ARMH3: variants seen among roughly 807,000 people sequenced by gnomAD.
ARMH3 encodes the protein armadillo-like helical domain-containing protein 3.
Under a neutral mutation model 99.1 loss-of-function variants are expected in ARMH3, and 60 were observed. The ratio of observed to expected loss-of-function variants is 0.61; its 90% confidence interval spans 0.49 to 0.75. ARMH3 has a LOEUF of 0.75. ARMH3 is among the 30% of genes least tolerant of loss of function. The pLI is 0.00. For synonymous variants in ARMH3, 285 were observed against 292.8 expected (o/e 0.97, Z 0.27); for missense variants, 679 against 843.1 (o/e 0.81, Z 2.41).
At chr10:101,866,719 A>C (rs934486232) in intron 24 of ARMH3, among the ~76,000 whole-genome samples, 1 of 152,236 alleles carries the variant, frequency 6.6e-6, no homozygotes, top group Non-Finnish European at 1.5e-5. Flanking sequence ...AGGAAGGTGA[A>C]GAATTTAAAG....
intron 23 of ARMH3, among the ~76,000 whole-genome samples, chr10:101,919,195 T>C (rs1468058730): frequency 1.3e-5 from 2 of 152,030 alleles, no homozygotes; most frequent in African/African-American, 4.8e-5. Flanking sequence ...AATTCCTTTG[T>C]TCCCTCCTTC....
chr10:101,947,115 A>T (rs959037314), intron 22 of ARMH3, among the ~76,000 whole-genome samples: 1 of 151,998 alleles, frequency 6.6e-6, no homozygotes, highest in Admixed American at 6.6e-5. Flanking sequence ...TGAACCCGGG[A>T]GGCAGAGCTT....
intron 19 of ARMH3, among the ~76,000 whole-genome samples, chr10:101,981,443 G>T (rs2135953933): frequency 6.6e-6 from 1 of 152,048 alleles, no homozygotes; most frequent in Middle Eastern, 3.4e-3. Context: ...GGCCAACATA[G>T]TGATAGCCCG....
Position 102,040,116 on chromosome 10 carries a change from GT to G in ARMH3, c.-3del, listed in dbSNP as rs2067374688. On this transcript the variant is annotated 5_prime_UTR_variant, in exon 2 of 26. Coordinates refer to ENST00000370033, the MANE Select transcript of ARMH3 (RefSeq NM_024541.3). ...TCCACGTTTCTCTACCTGTGCCATG[GT>G]TAGAGAATCTGTGAACAGAAAGTCA... 12 of 1,613,416 alleles carry G rather than the reference GT, an allele frequency of 7.4e-6. No homozygotes were observed. In the East Asian group the frequency reaches 2.7e-4, roughly 36 times the overall value.
At chr10:102,009,600 A>G (rs2066584441) in intron 12 of ARMH3, 151 bp from the exon 13 acceptor site, 1 of 735,162 alleles carries the variant, frequency 1.4e-6, no homozygotes, top group African/African-American at 1.8e-5. Context: ...ATTTGGGCGT[A>G]TGCAAAAGTG....
intron 2 of ARMH3, among the ~76,000 whole-genome samples, chr10:102,038,092 T>TC: frequency 7.2e-6 from 1 of 139,190 alleles, no homozygotes; most frequent in East Asian, 2.0e-4. Flanking sequence ...AAGAATCCTT[T>TC]TTTTTTTTTT....
intron 12 of ARMH3, 28 bp downstream of exon 12, chr10:102,009,949 T>C (rs1341056368): frequency 6.2e-7 from 1 of 1,607,804 alleles, no homozygotes; most frequent in African/African-American, 1.3e-5. Flanking sequence ...AAAGTCCAAG[T>C]CACTGCACAA....
intron 19 of ARMH3, among the ~76,000 whole-genome samples, chr10:101,988,945 A>AG (rs397726788): frequency 1.2e-4 from 18 of 149,304 alleles, no homozygotes; most frequent in Non-Finnish European, 1.5e-5. Context: ...AAAAAAAAAA[A>AG]GCAAGCTAGA....
chr10:101,972,143 A>G (rs924538619), intron 20 of ARMH3, among the ~76,000 whole-genome samples: 1 of 152,192 alleles, frequency 6.6e-6, no homozygotes, highest in African/African-American at 2.4e-5. Flanking sequence ...TGAACCCCCA[A>G]CTAATACAGC....
At chr10:102,002,888 G>A (rs1456457376) in intron 14 of ARMH3, among the ~76,000 whole-genome samples, 1 of 151,616 alleles carries the variant, frequency 6.6e-6, no homozygotes, top group Non-Finnish European at 1.5e-5. Context: ...TTGAAACCGG[G>A]AGGCGGAGGT....
intron 23 of ARMH3, among the ~76,000 whole-genome samples, chr10:101,921,260 T>C (rs572318026): frequency 7.2e-5 from 11 of 152,178 alleles, no homozygotes; most frequent in Non-Finnish European, 1.3e-4. Context: ...AGGCACACTA[T>C]ATGACTCTGT....
intron 17 of ARMH3, among the ~76,000 whole-genome samples, chr10:101,992,656 C>T (rs532573423): frequency 1.3e-5 from 2 of 152,102 alleles, no homozygotes; most frequent in African/African-American, 2.4e-5. Context: ...CCACCACACC[C>T]GGCTAATTTT....
chr10:101,890,532 G>T (rs926236853), intron 23 of ARMH3, among the ~76,000 whole-genome samples: 1 of 152,200 alleles, frequency 6.6e-6, no homozygotes, highest in Non-Finnish European at 1.5e-5. Context: ...ATGAGCCACA[G>T]CGGCTGGCCA....
chr10:102,005,389 A>G (rs930407785), intron 14 of ARMH3, among the ~76,000 whole-genome samples: 2 of 151,640 alleles, frequency 1.3e-5, no homozygotes, highest in African/African-American at 4.8e-5. Flanking sequence ...TCAAAAAAAA[A>G]AAAAAAAAAA....
At chr10:101,895,013 G>C (rs2067789385) in intron 23 of ARMH3, among the ~76,000 whole-genome samples, 1 of 152,146 alleles carries the variant, frequency 6.6e-6, no homozygotes, top group African/African-American at 2.4e-5. Flanking sequence ...GGGACTTCTA[G>C]CCTCCAGAAC....
intron 20 of ARMH3, among the ~76,000 whole-genome samples, chr10:101,967,977 C>G (rs889652501): frequency 2.6e-5 from 4 of 152,076 alleles, no homozygotes; most frequent in Non-Finnish European, 5.9e-5. Flanking sequence ...TAGAACAAAT[C>G]CTTTCTTTAA....
intron 20 of ARMH3, among the ~76,000 whole-genome samples, chr10:101,959,622 C>T (rs575985087): frequency 6.6e-6 from 1 of 152,318 alleles, no homozygotes; most frequent in East Asian, 1.9e-4. Context: ...CTCTGCTGGA[C>T]TACAGCTAGT....
At chr10:101,905,665 C>T (rs993820007) in intron 23 of ARMH3, among the ~76,000 whole-genome samples, 2 of 152,094 alleles carry the variant, frequency 1.3e-5, no homozygotes, top group Non-Finnish European at 2.9e-5. Flanking sequence ...GGGAGAGTGA[C>T]AACAAATAAG....
At chr10:102,025,423 G>A (rs997884155) in intron 5 of ARMH3, among the ~76,000 whole-genome samples, 175 bp from the exon 6 acceptor site, 3 of 152,142 alleles carry the variant, frequency 2.0e-5, no homozygotes, top group Admixed American at 2.0e-4. Flanking sequence ...TTTTTCTCAG[G>A]CTGGGGTTGC....
Sources: allele counts gnomAD v4.1 joint callset (sites outside exome capture counted in the v4.1 genomes callset), GRCh38; gene constraint gnomAD v4.1.1; transcripts MANE v1.5; gene names NCBI Gene and HGNC (gene_info 2026-07-23, HGNC 2026-07-21).